The following DIPK2B variants were observed in gnomAD, a reference collection of about 807,000 sequenced individuals.
The protein encoded by DIPK2B is divergent protein kinase domain 2B.
In DIPK2B, 15 loss-of-function variants were observed where a neutral mutation model predicts 22.2. That is an observed-to-expected ratio of 0.68 (90% CI 0.45 to 1.04). DIPK2B has a LOEUF of 1.04. Among genes scored for constraint, DIPK2B ranks in the 50% least tolerant of loss-of-function variants. The probability of loss-of-function intolerance (pLI) is 0.00; values close to 1 mark genes in which losing one functional copy is unlikely to be tolerated. For synonymous variants in DIPK2B, 163 were observed against 153.2 expected (o/e 1.06, Z -0.47); for missense variants, 345 against 348.3 (o/e 0.99, Z 0.08).
At chrX:45,166,399 T>G (rs1200980960) in intron 2 of DIPK2B, among the ~76,000 whole-genome samples, 1 of 110,865 alleles carries the variant, frequency 9.0e-6, no homozygotes, top group Non-Finnish European at 1.9e-5. Flanking sequence ...GAAATGGGGT[T>G]TTATTGAGGC....
intron 2 of DIPK2B, among the ~76,000 whole-genome samples, chrX:45,187,928 T>G (rs1486563557): frequency 9.0e-6 from 1 of 111,179 alleles, no homozygotes; most frequent in Non-Finnish European, 1.9e-5. Flanking sequence ...GGCTCTGGCT[T>G]AGATCCCAGT....
rs4268237 is a variant in DIPK2B at position 45,197,001 on chromosome X, G to A, written c.233+3593C>T. On this transcript the variant is annotated intron_variant, in intron 1 of 4. Coordinates refer to ENST00000398000, the MANE Select transcript of DIPK2B (RefSeq NM_176819.4). ...AGGAAAGATAAAGGAAAAAAGGAGA[G>A]GTGATGTCCATCTGCTAATCATGTG... is the stretch of plus-strand genomic sequence containing the variant. Among the ~76,000 whole-genome samples, 21 of 111,892 alleles carry A rather than the reference G, an allele frequency of 1.9e-4. No individual in the cohort carries two copies. The Admixed American group carries it at 2.0e-3, about 11-fold the overall frequency.
At chrX:45,183,802 C>T (rs2047167112) in intron 2 of DIPK2B, among the ~76,000 whole-genome samples, 1 of 111,752 alleles carries the variant, frequency 8.9e-6, no homozygotes, top group Admixed American at 9.5e-5. Context: ...AATTGGTTAA[C>T]TGAGTTTACC....
At chrX:45,180,709 G>T (rs1342644111) in intron 2 of DIPK2B, among the ~76,000 whole-genome samples, 1 of 111,333 alleles carries the variant, frequency 9.0e-6, no homozygotes, top group African/African-American at 3.3e-5. Context: ...TATCCATGGG[G>T]CATACGTTGC....
At chrX:45,195,334 A>G (rs766092085) in intron 1 of DIPK2B, among the ~76,000 whole-genome samples, 7 of 111,230 alleles carry the variant, frequency 6.3e-5, no homozygotes, top group Non-Finnish European at 1.1e-4. Flanking sequence ...AAGCAGAATT[A>G]CAGTTTCTCA....
chrX:45,183,198 T>C (rs1278117242), intron 2 of DIPK2B: 1 of 112,475 alleles, frequency 8.9e-6, no homozygotes, highest in Non-Finnish European at 1.9e-5. Context: ...TTTTGGTGGA[T>C]AACAAAATGA....
At chrX:45,163,642 G>C (rs1232903867) in intron 2 of DIPK2B, 9 of 752,630 alleles carry the variant, frequency 1.2e-5, no homozygotes, top group Admixed American at 8.8e-5. Context: ...AGTCTTGACA[G>C]GTGATTTCAT....
intron 2 of DIPK2B, among the ~76,000 whole-genome samples, chrX:45,169,444 G>T (rs763536832): frequency 8.9e-6 from 1 of 111,872 alleles, no homozygotes; most frequent in African/African-American, 3.2e-5. Context: ...GTATCAGTTT[G>T]CAGTGTCATC....
At position 45,200,690 on chromosome X, in the gene DIPK2B, G is replaced by A; in HGVS notation, c.137C>T (p.Thr46Ile). 1.6e-6 allele frequency: 2 copies of A among 1,212,429 alleles called. No individual in the cohort carries two copies. Among genetic ancestry groups the A allele is most frequent in the Non-Finnish European group, 1.1e-6 (1 of 895,605 alleles). Residue 46 changes from threonine (T) to isoleucine (I), a missense_variant, in exon 1 of 5, where the codon ACC becomes ATC. By Grantham distance (89) the Thr-to-Ile change is moderately conservative (BLOSUM62 -1). Coordinates refer to ENST00000398000, the MANE Select transcript of DIPK2B (RefSeq NM_176819.4). ...GAAAGTCCTTCCAAAATTGTAGCTG[G>A]TTCTGACTTGGGGCACCAGAGAAGA... The part of the protein sequence containing the change: ...SLSSLVPQVR[T>I]SYNFGRTFLG...
intron 2 of DIPK2B, among the ~76,000 whole-genome samples, chrX:45,160,435 C>G (rs949701266): frequency 9.0e-6 from 1 of 111,091 alleles, no homozygotes; most frequent in Admixed American, 9.6e-5. Context: ...GTTTTGAACT[C>G]CTGACCTCAG....
intron 2 of DIPK2B, among the ~76,000 whole-genome samples, chrX:45,171,075 T>A (rs1394359355): frequency 1.8e-5 from 2 of 111,564 alleles, no homozygotes; most frequent in African/African-American, 6.5e-5. Context: ...TGCAGCCTCC[T>A]TGTTGGGTCT....
At chrX:45,191,673 A>T (rs2047211138) in intron 2 of DIPK2B, 78 bp downstream of exon 2, 26 of 1,070,195 alleles carry the variant, frequency 2.4e-5, no homozygotes, top group Non-Finnish European at 3.2e-5. Flanking sequence ...TCAAACTGAG[A>T]TATGAGATGG....
chrX:45,155,422 C>CAAAA (rs796781059), intron 3 of DIPK2B, among the ~76,000 whole-genome samples: 1 of 89,079 alleles, frequency 1.1e-5, no homozygotes, highest in East Asian at 3.8e-4. Flanking sequence ...GACTCTGTCT[C>CAAAA]AAAAAAAAAA....
chrX:45,198,554 C>T (rs945880492), intron 1 of DIPK2B, among the ~76,000 whole-genome samples: 3 of 111,508 alleles, frequency 2.7e-5, no homozygotes, highest in Non-Finnish European at 5.6e-5. Context: ...TGGACTCTAA[C>T]GGAATGCAAA....
chrX:45,192,124 A>G, intron 1 of DIPK2B, 109 bp from the exon 2 acceptor site: 1 of 810,699 alleles, frequency 1.2e-6, no homozygotes, highest in Non-Finnish European at 1.7e-6. Context: ...TCTCCTACTT[A>G]GACTGAGGTG....
intron 3 of DIPK2B, among the ~76,000 whole-genome samples, chrX:45,155,985 T>TTTTTTC (rs1319028953): frequency 1.1e-5 from 1 of 94,608 alleles, no homozygotes; most frequent in African/African-American, 4.1e-5. Flanking sequence ...TTTTTTTTTT[T>TTTTTTC]AGACAGAGTC....
intron 2 of DIPK2B, among the ~76,000 whole-genome samples, chrX:45,160,913 C>A (rs2047019399): frequency 8.9e-6 from 1 of 112,229 alleles, no homozygotes; most frequent in South Asian, 3.7e-4. Flanking sequence ...TTATTAGCCC[C>A]TGCATTTTAG....
chrX:45,178,870 G>A (rs2047133526), intron 2 of DIPK2B, among the ~76,000 whole-genome samples: 1 of 111,644 alleles, frequency 9.0e-6, no homozygotes, highest in Non-Finnish European at 1.9e-5. Context: ...CTGAAGTTTG[G>A]CTAGACATCT....
chrX:45,162,062 C>A (rs764911485), intron 2 of DIPK2B, among the ~76,000 whole-genome samples: 1 of 111,104 alleles, frequency 9.0e-6, no homozygotes, highest in African/African-American at 3.3e-5. Flanking sequence ...ACCTAACCAC[C>A]ATGCTGTAAG....
Sources: gnomAD v4.1 joint callset for allele counts (sites outside exome capture counted in the v4.1 genomes callset) on GRCh38, gnomAD v4.1.1 for gene constraint, MANE v1.5 for transcripts, NCBI Gene and HGNC (gene_info 2026-07-23, HGNC 2026-07-21) for gene names.